SGCD: variants seen among roughly 807,000 people sequenced by gnomAD.
SGCD encodes sarcoglycan delta.
A neutral mutation model predicts 36.6 loss-of-function variants in SGCD; 18 were observed. That is an observed-to-expected ratio of 0.49 (90% CI 0.34 to 0.73). The LOEUF (loss-of-function observed/expected upper bound fraction) is 0.73, where lower values mean the gene tolerates loss of function less well. Ranked by LOEUF, SGCD falls within the 30% of genes least tolerant of loss-of-function variation. The probability of loss-of-function intolerance (pLI) is 0.01; values close to 1 mark genes in which losing one functional copy is unlikely to be tolerated. For missense variants in SGCD, 387 were observed against 346.7 expected (o/e 1.12, Z -0.92); for synonymous variants, 133 against 130.6 (o/e 1.02, Z -0.12).
chr5:155,927,809 C>T (rs187776853), intron 1 of SGCD, among the ~76,000 whole-genome samples: 1 of 152,288 alleles, frequency 6.6e-6, no homozygotes, highest in East Asian at 1.9e-4. Context: ...TTATGTCCAA[C>T]AAGAGAATAA....
At chr5:155,851,708 C>A in the SGCD span, among the ~76,000 whole-genome samples, 32 of 152,310 alleles carry the variant, frequency 2.1e-4, no homozygotes, top group African/African-American at 7.7e-4. Flanking sequence ...ATACATCATC[C>A]TGGCCTCATG....
intron 3 of SGCD, among the ~76,000 whole-genome samples, chr5:156,199,279 G>T (rs1764088810): frequency 6.6e-6 from 1 of 152,152 alleles, no homozygotes; most frequent in Non-Finnish European, 1.5e-5. Flanking sequence ...GCAGCAAGTT[G>T]ATGCCCAAAG....
At chr5:155,762,176 A>G in the SGCD span, among the ~76,000 whole-genome samples, 1 of 151,880 alleles carries the variant, frequency 6.6e-6, no homozygotes, top group African/African-American at 2.4e-5. Flanking sequence ...ACCCCCACCC[A>G]CCCTTTCCCA....
At chr5:156,626,306 G>A (rs1762440399) in intron 6 of SGCD, among the ~76,000 whole-genome samples, 1 of 152,196 alleles carries the variant, frequency 6.6e-6, no homozygotes, top group South Asian at 2.1e-4. Context: ...TGAGGTTGCA[G>A]ATTACATTCT....
intron 3 of SGCD, among the ~76,000 whole-genome samples, chr5:156,380,372 T>C (rs1770915344): frequency 6.6e-6 from 1 of 152,234 alleles, no homozygotes; most frequent in African/African-American, 2.4e-5. Flanking sequence ...CTTTTGCTTA[T>C]TTGAAAAATG....
At chr5:156,636,956 GA>G (rs1190733382) in intron 6 of SGCD, among the ~76,000 whole-genome samples, 1 of 152,024 alleles carries the variant, frequency 6.6e-6, no homozygotes, top group Non-Finnish European at 1.5e-5. Flanking sequence ...AATAAGTAGG[GA>G]CTGTTTTTTC....
chr5:156,237,824 C>A (rs752490009), intron 3 of SGCD, among the ~76,000 whole-genome samples: 10 of 152,018 alleles, frequency 6.6e-5, no homozygotes, highest in Non-Finnish European at 1.3e-4. Context: ...AACTATGTGC[C>A]AGATACTGGA....
intron 3 of SGCD, among the ~76,000 whole-genome samples, chr5:156,398,725 G>C (rs1251052495): frequency 1.3e-5 from 2 of 152,108 alleles, no homozygotes; most frequent in African/African-American, 2.4e-5. Flanking sequence ...TGCCTTACCT[G>C]TACTTCCCCA....
intron 3 of SGCD, among the ~76,000 whole-genome samples, chr5:156,223,786 G>A (rs1211893275): frequency 6.6e-6 from 1 of 151,812 alleles, no homozygotes; most frequent in African/African-American, 2.4e-5. Flanking sequence ...TGATGTGACA[G>A]CAAAAAAGCA....
At chr5:155,748,941 G>A in the SGCD span, among the ~76,000 whole-genome samples, 3 of 152,206 alleles carry the variant, frequency 2.0e-5, no homozygotes, top group Admixed American at 1.3e-4. Context: ...AGAGTAAGGA[G>A]CTATGGGGAT....
chr5:155,840,917 A>G, the SGCD span, among the ~76,000 whole-genome samples: 3 of 149,724 alleles, frequency 2.0e-5, no homozygotes, highest in African/African-American at 7.4e-5. Flanking sequence ...AGGCTGAGGC[A>G]GGAGAATTGC....
intron 1 of SGCD, among the ~76,000 whole-genome samples, chr5:156,032,281 T>G (rs1164043822): frequency 2.0e-5 from 3 of 152,198 alleles, no homozygotes; most frequent in African/African-American, 7.2e-5. Context: ...TAGTTAGGCA[T>G]CTAGAAATAT....
chr5:156,090,827 G>T (rs1055184140), intron 1 of SGCD, among the ~76,000 whole-genome samples: 4 of 152,074 alleles, frequency 2.6e-5, no homozygotes, highest in African/African-American at 9.7e-5. Flanking sequence ...AATATTCCTT[G>T]CTGGGAAAAG....
At chr5:156,736,037 A>G (rs1756344352) in intron 7 of SGCD, among the ~76,000 whole-genome samples, 4 of 152,092 alleles carry the variant, frequency 2.6e-5, no homozygotes, top group Non-Finnish European at 5.9e-5. Context: ...TTACCTTGGC[A>G]AGGGAGGTTC....
chr5:156,742,310 T>C (rs914075062), intron 7 of SGCD, among the ~76,000 whole-genome samples: 3 of 152,194 alleles, frequency 2.0e-5, no homozygotes, highest in Non-Finnish European at 2.9e-5. Context: ...TTCTGCTTGA[T>C]GACTCAAACA....
At chr5:156,404,635 C>G (rs568394129) in intron 3 of SGCD, among the ~76,000 whole-genome samples, 1 of 152,174 alleles carries the variant, frequency 6.6e-6, no homozygotes, top group Non-Finnish European at 1.5e-5. Context: ...TCTCAAAACA[C>G]TTTATATGTA....
At chr5:156,076,894 A>C (rs1760800796) in intron 1 of SGCD, among the ~76,000 whole-genome samples, 1 of 152,208 alleles carries the variant, frequency 6.6e-6, no homozygotes, top group African/African-American at 2.4e-5. Context: ...CAGAGAAACC[A>C]GTGAATAAAA....
At chr5:156,178,524 G>T (rs2127625626) in intron 3 of SGCD, among the ~76,000 whole-genome samples, 1 of 152,158 alleles carries the variant, frequency 6.6e-6, no homozygotes, top group African/African-American at 2.4e-5. Context: ...TATTTTATTT[G>T]TTCTACATAT....
chr5:156,080,159 C>T (rs748908365), intron 1 of SGCD, among the ~76,000 whole-genome samples: 1 of 152,222 alleles, frequency 6.6e-6, no homozygotes. Context: ...AGTTGTATCT[C>T]AGGCTCTTTG....
Sources: allele counts gnomAD v4.1 joint callset (sites outside exome capture counted in the v4.1 genomes callset), GRCh38; gene constraint gnomAD v4.1.1; transcripts MANE v1.5; gene names NCBI Gene and HGNC (gene_info 2026-07-23, HGNC 2026-07-21).